The following TMEM117 variants were observed in gnomAD, a reference collection of about 807,000 sequenced individuals.
TMEM117 encodes the protein transmembrane protein 117.
TMEM117 carries 27 observed loss-of-function variants against 52.4 expected under a neutral mutation model. The observed-to-expected ratio is 0.51, with a 90% CI of 0.38 to 0.71. The LOEUF (loss-of-function observed/expected upper bound fraction) is 0.71, where lower values mean the gene tolerates loss of function less well. Among genes scored for constraint, TMEM117 ranks in the 30% least tolerant of loss-of-function variants. The pLI is 0.00. For missense variants in TMEM117, 556 were observed against 630.5 expected (o/e 0.88, Z 1.26); for synonymous variants, 215 against 206.3 (o/e 1.04, Z -0.36).
intron 6 of TMEM117, among the ~76,000 whole-genome samples, chr12:44,315,347 G>A (rs1822329725): frequency 6.6e-6 from 1 of 152,136 alleles, no homozygotes; most frequent in Admixed American, 6.5e-5. Context: ...ATACCAAACT[G>A]TAAATTTGAG....
chr12:43,983,473 A>G (rs2137727234), intron 3 of TMEM117, among the ~76,000 whole-genome samples: 1 of 148,356 alleles, frequency 6.7e-6, no homozygotes, highest in Admixed American at 6.7e-5. Flanking sequence ...ATGAATTTAT[A>G]GGTTGGTGCA....
chr12:44,191,357 ATCTGTCTGTCTG>A (rs200809736), intron 4 of TMEM117, among the ~76,000 whole-genome samples: 9 of 148,548 alleles, frequency 6.1e-5, no homozygotes, highest in East Asian at 4.0e-4. Flanking sequence ...CTATCTATCT[ATCTGTCTGTCTG>A]TCTGTCTGTC....
chr12:44,255,690 C>A (rs2138525323), intron 5 of TMEM117, among the ~76,000 whole-genome samples: 1 of 152,110 alleles, frequency 6.6e-6, no homozygotes. Context: ...CATGCATACA[C>A]ATATACATGC....
At chr12:44,152,088 T>C (rs1288661156) in intron 4 of TMEM117, among the ~76,000 whole-genome samples, 1 of 114,866 alleles carries the variant, frequency 8.7e-6, no homozygotes. Flanking sequence ...ATTTATATTA[T>C]AAACATAAAT....
the TMEM117 span, chr12:43,806,405 C>A: frequency 8.6e-7 from 1 of 1,156,316 alleles, no homozygotes. Flanking sequence ...CCGAGCGTCC[C>A]CGCCGCCCCG....
chr12:44,013,089 G>A (rs1049881961), intron 3 of TMEM117, among the ~76,000 whole-genome samples: 7 of 151,304 alleles, frequency 4.6e-5, no homozygotes, highest in Non-Finnish European at 8.8e-5. Flanking sequence ...GTAATGGCGT[G>A]AACAGGGCTT....
rs752003104 is a variant in TMEM117 at position 44,389,688 on chromosome 12, G to A, written c.*1016G>A. The A allele has an allele frequency of 6.6e-6, 1 of 152,502 alleles. No individual in the cohort carries two copies. Among genetic ancestry groups the A allele is most frequent in the Non-Finnish European group, 1.5e-5 (1 of 67,994 alleles). 9.4% of individuals were successfully genotyped at this position (152,502 alleles called of 1,614,324 possible). ...AAGAATTTGTTTAATGTCTTGTTTT[G>A]CGTATGTGTTTTTTGTTTTTGTTTT... On this transcript the variant is annotated 3_prime_UTR_variant, in exon 8 of 8. Coordinates refer to ENST00000266534, the MANE Select transcript of TMEM117 (RefSeq NM_032256.3).
At chr12:43,802,337 A>G in the TMEM117 span, 4 of 1,591,476 alleles carry the variant, frequency 2.5e-6, no homozygotes, top group Non-Finnish European at 3.4e-6. Flanking sequence ...ATCCCTGGGC[A>G]TTCTGAGAAT....
At chr12:44,239,972 C>A (rs1344697565) in intron 5 of TMEM117, among the ~76,000 whole-genome samples, 2 of 151,852 alleles carry the variant, frequency 1.3e-5, no homozygotes, top group Non-Finnish European at 2.9e-5. Flanking sequence ...GTAACATATT[C>A]TATTATTTAA....
intron 3 of TMEM117, among the ~76,000 whole-genome samples, chr12:44,142,421 A>C (rs1308916381): frequency 6.6e-6 from 1 of 152,202 alleles, no homozygotes; most frequent in Non-Finnish European, 1.5e-5. Context: ...AAACTAGTTA[A>C]ATATCTGTTT....
At chr12:44,056,371 C>T (rs1947055308) in intron 3 of TMEM117, among the ~76,000 whole-genome samples, 1 of 152,176 alleles carries the variant, frequency 6.6e-6, no homozygotes, top group Non-Finnish European at 1.5e-5. Context: ...TTTTCTCAAA[C>T]TACTTGTTTA....
intron 2 of TMEM117, among the ~76,000 whole-genome samples, chr12:43,847,927 G>A (rs1372472494): frequency 6.6e-6 from 1 of 152,144 alleles, no homozygotes; most frequent in East Asian, 1.9e-4. Flanking sequence ...TTACAGCTGG[G>A]CCGCCAGGGG....
chr12:43,830,806 C>A, the TMEM117 span, among the ~76,000 whole-genome samples: 14 of 152,004 alleles, frequency 9.2e-5, no homozygotes, highest in African/African-American at 3.4e-4. Context: ...TTAATACATA[C>A]CAGACCAAAT....
chr12:44,328,793 A>G (rs972058713), intron 6 of TMEM117, among the ~76,000 whole-genome samples: 2 of 152,092 alleles, frequency 1.3e-5, no homozygotes, highest in African/African-American at 4.8e-5. Context: ...TGCAGAAAAG[A>G]AAGTGTCATA....
chr12:44,085,255 T>C (rs1040132776), intron 3 of TMEM117, among the ~76,000 whole-genome samples: 1 of 141,772 alleles, frequency 7.1e-6, no homozygotes, highest in African/African-American at 2.5e-5. Context: ...CTTTGTCTCA[T>C]TTTTTTTTTC....
intron 3 of TMEM117, among the ~76,000 whole-genome samples, chr12:44,048,894 G>A (rs1946922177): frequency 6.6e-6 from 1 of 152,124 alleles, no homozygotes; most frequent in Non-Finnish European, 1.5e-5. Flanking sequence ...TACTTCAAGG[G>A]AGTGGCATTT....
Position 44,116,942 on chromosome 12 carries a change from A to G in TMEM117, c.411-26583A>G, listed in dbSNP as rs552928201. 1.1e-4 allele frequency among the ~76,000 whole-genome samples: 17 copies of G among 152,266 alleles called. 1 individual carries two copies. In the South Asian group the frequency reaches 3.3e-3, roughly 30 times the overall value. On this transcript the variant is annotated intron_variant, in intron 3 of 7. Coordinates refer to ENST00000266534, the MANE Select transcript of TMEM117 (RefSeq NM_032256.3). Reference sequence around the variant, plus strand: ...ATTTTATCTCATCGTAACCTTATGAATCTCCATGTTGTTGTCAGCTGAATG... The same window carrying G: ...ATTTTATCTCATCGTAACCTTATGAGTCTCCATGTTGTTGTCAGCTGAATG...
intron 3 of TMEM117, among the ~76,000 whole-genome samples, chr12:43,951,560 C>T (rs1346606668): frequency 4.6e-5 from 7 of 152,314 alleles, no homozygotes; most frequent in African/African-American, 1.7e-4. Flanking sequence ...GACTGCTTCT[C>T]TAGATCCTTC....
downstream of TMEM117, among the ~76,000 whole-genome samples, chr12:44,390,787 A>C (rs1952157788): frequency 6.6e-6 from 1 of 152,122 alleles, no homozygotes; most frequent in African/African-American, 2.4e-5. Context: ...TCTTACCTAC[A>C]TATGGATCTA....
Sources: gnomAD v4.1 joint callset for allele counts (sites outside exome capture counted in the v4.1 genomes callset) on GRCh38, gnomAD v4.1.1 for gene constraint, MANE v1.5 for transcripts, NCBI Gene and HGNC (gene_info 2026-07-23, HGNC 2026-07-21) for gene names.